Variants in ATP2B2 observed in about 807,000 individuals in gnomAD.
The protein encoded by ATP2B2 is plasma membrane calcium-transporting ATPase 2.
ATP2B2 carries 15 observed loss-of-function variants against 120.0 expected under a neutral mutation model. The observed-to-expected ratio is 0.12, with a 90% CI of 0.08 to 0.19. The LOEUF (loss-of-function observed/expected upper bound fraction) is 0.19. Among genes scored for constraint, ATP2B2 ranks in the 10% least tolerant of loss-of-function variants. The pLI is 1.00. For synonymous variants in ATP2B2, 694 were observed against 700.3 expected, an observed-to-expected ratio of 0.99 and a Z score of 0.14; for missense variants, 1,045 against 1,719.8, an observed-to-expected ratio of 0.61 and a Z score of 6.94.
At chr3:10,654,970 C>T (rs185890203) in intron 1 of ATP2B2, among the ~76,000 whole-genome samples, 4 of 152,170 alleles carry the variant, frequency 2.6e-5, no homozygotes, top group South Asian at 4.2e-4. Flanking sequence ...GGGCTGTCAG[C>T]GGGGGCCTCT....
chr3:10,333,730 G>C (rs1437863759), intron 22 of ATP2B2, among the ~76,000 whole-genome samples: 1 of 152,186 alleles, frequency 6.6e-6, no homozygotes, highest in Non-Finnish European at 1.5e-5. Context: ...TTCTCCAGGA[G>C]GCATGAAGAG....
chr3:10,531,620 C>A (rs1368969712), intron 3 of ATP2B2, among the ~76,000 whole-genome samples: 1 of 152,290 alleles, frequency 6.6e-6, no homozygotes, highest in South Asian at 2.1e-4. Flanking sequence ...TTCATTCAAC[C>A]AACATGGGTT....
At chr3:10,589,241 G>T (rs541771504) in intron 2 of ATP2B2, among the ~76,000 whole-genome samples, 1 of 152,312 alleles carries the variant, frequency 6.6e-6, no homozygotes, top group African/African-American at 2.4e-5. Flanking sequence ...GCCCAGAGAG[G>T]CTGTCAGAGT....
At chr3:10,459,303 G>A (rs1455179868) in intron 1 of ATP2B2, among the ~76,000 whole-genome samples, 1 of 152,254 alleles carries the variant, frequency 6.6e-6, no homozygotes, top group Non-Finnish European at 1.5e-5. Flanking sequence ...GGCTAAAACA[G>A]TAAAGTCACT....
chr3:10,359,171 A>C lies in ATP2B2; in HGVS notation c.1902-246T>G, dbSNP rs184610157. Among the ~76,000 whole-genome samples the C allele has an allele frequency of 2.6e-5, 4 of 152,302 alleles. No individual in the cohort carries two copies. In the East Asian group the frequency reaches 7.7e-4, roughly 29 times the overall value. Reference sequence around the variant, plus strand: ...AAGATTCATCTGAAATAACACTCCCACAGCTGAAATGGTTTACAAAGCACA... The same window carrying C: ...AAGATTCATCTGAAATAACACTCCCCCAGCTGAAATGGTTTACAAAGCACA... On this transcript the variant is annotated intron_variant, in intron 13 of 22. Coordinates refer to ENST00000360273, the MANE Select transcript of ATP2B2 (RefSeq NM_001001331.4).
intron 2 of ATP2B2, among the ~76,000 whole-genome samples, chr3:10,566,031 T>G (rs1017216782): frequency 3.3e-5 from 5 of 152,124 alleles, no homozygotes; most frequent in African/African-American, 1.2e-4. Flanking sequence ...CTATGTCTAT[T>G]CATCCATGAG....
At position 10,437,605 on chromosome 3, in the gene ATP2B2, G is replaced by A. The variant is rs529026350; in HGVS notation, c.199+11740C>T. ...GTGAGCGTGTCCCTCATTACAGTCC[G>A]CTTGCTGTCCTGTTCATGTCCCCAC... is the stretch of plus-strand genomic sequence containing the variant. On this transcript the variant is annotated intron_variant, in intron 2 of 22. Transcript: ENST00000360273. Among the ~76,000 whole-genome samples the A allele has an allele frequency of 8.5e-5, 13 of 152,310 alleles. No homozygotes were observed. In the South Asian group the frequency reaches 1.0e-3, roughly 12 times the overall value.
At chr3:10,446,876 A>C (rs9856328) in intron 2 of ATP2B2, among the ~76,000 whole-genome samples, 8,691 of 152,284 alleles carry the variant, frequency 0.057, 875 homozygotes, top group African/African-American at 0.2. Context: ...TATTGTTTCC[A>C]TTTTACAGAT....
chr3:10,505,412 G>A (rs1265275982), intron 1 of ATP2B2, 53 bp downstream of exon 1: 1 of 152,086 alleles, frequency 6.6e-6, no homozygotes, highest in Non-Finnish European at 1.5e-5. Context: ...GGAGAGTGGA[G>A]TGGGGCGCTT....
intron 5 of ATP2B2, among the ~76,000 whole-genome samples, chr3:10,397,553 C>G (rs1443196622): frequency 1.3e-5 from 2 of 152,004 alleles, no homozygotes; most frequent in South Asian, 4.2e-4. Context: ...GTCAGGGAAG[C>G]CTTCATGGAG....
chr3:10,560,860 C>T (rs371852480), intron 2 of ATP2B2, among the ~76,000 whole-genome samples: 51 of 152,208 alleles, frequency 3.4e-4, no homozygotes, highest in African/African-American at 1.2e-3. Context: ...ACAGCACCAT[C>T]TCTTGTTCTC....
rs1440276962 is a variant in ATP2B2, at chr3:10,375,789, T to C, written c.1202-145A>G. On this transcript the variant is annotated intron_variant, in intron 10 of 22. Transcript: ENST00000360273. This position sits in a 1 kb window ranked among gnomAD's most constrained non-coding sequence, Gnocchi z 4.2. ...CTGCCACTCCTTGCTTTATGACCTGTGGCAAGTTCTTGAGACCTTGATCCT... is the reference window on the plus strand; with the variant it reads ...CTGCCACTCCTTGCTTTATGACCTGCGGCAAGTTCTTGAGACCTTGATCCT... The C allele has an allele frequency of 1.4e-6, 1 of 730,794 alleles. No homozygotes were observed. Among genetic ancestry groups the C allele is most frequent in the Non-Finnish European group, 2.4e-6 (1 of 416,414 alleles). The allele number at this position is 730,794 out of a possible 1,614,324, so 45.3% of individuals were successfully genotyped here.
At chr3:10,441,909 A>C (rs917031576) in intron 2 of ATP2B2, among the ~76,000 whole-genome samples, 7 of 152,192 alleles carry the variant, frequency 4.6e-5, no homozygotes, top group East Asian at 3.8e-4. Context: ...AGGACTTAGA[A>C]GGTGAAGCTG....
At chr3:10,601,321 G>A (rs994957911) in intron 2 of ATP2B2, among the ~76,000 whole-genome samples, 1 of 152,136 alleles carries the variant, frequency 6.6e-6, no homozygotes, top group Admixed American at 6.5e-5. Context: ...CCCATAATAA[G>A]GGGGGCAGCC....
In ATP2B2 at chr3:10,632,853, G is replaced by A. The variant is rs377134570; in HGVS notation, c.-459-12892C>T. Among the ~76,000 whole-genome samples, 403 of 152,352 alleles carry A rather than the reference G, an allele frequency of 2.6e-3. 23 individuals carry two copies. The South Asian group carries it at 0.073, about 28-fold the overall frequency. ...CAGCCCCGGAATAGTGAGGCCCAGTGGAACTGCTGCTTATCCCTGTTCCCC... is the reference window on the plus strand; with the variant it reads ...CAGCCCCGGAATAGTGAGGCCCAGTAGAACTGCTGCTTATCCCTGTTCCCC... On this transcript the variant is annotated intron_variant, in intron 1 of 21. Coordinates refer to the ATP2B2 transcript ENST00000646379.
In ATP2B2 at chr3:10,413,034, C is replaced by A. The variant is rs1014630296; in HGVS notation, c.200-2219G>T. Among the ~76,000 whole-genome samples the A allele has an allele frequency of 8.5e-5, 13 of 152,274 alleles. 1 individual carries two copies. Among genetic ancestry groups the A allele is most frequent in the African/African-American group, 2.4e-4 (10 of 41,558 alleles). Reference sequence around the variant, plus strand: ...GGACTGGACCATGTGGCTGATGGGACCTCATGGTCTAATATATGGTTTTAG... The same window carrying A: ...GGACTGGACCATGTGGCTGATGGGAACTCATGGTCTAATATATGGTTTTAG... On this transcript the variant is annotated intron_variant, in intron 2 of 22. Coordinates refer to ENST00000360273, the MANE Select transcript of ATP2B2 (RefSeq NM_001001331.4).
intron 2 of ATP2B2, among the ~76,000 whole-genome samples, chr3:10,575,031 G>T (rs150291645): frequency 2.0e-5 from 3 of 152,338 alleles, no homozygotes; most frequent in East Asian, 1.9e-4. Flanking sequence ...GTCAACAAGG[G>T]CCTGAGTAAA....
intron 1 of ATP2B2, among the ~76,000 whole-genome samples, chr3:10,477,838 T>C (rs2065260501): frequency 6.6e-6 from 1 of 152,264 alleles, no homozygotes; most frequent in Admixed American, 6.5e-5. Context: ...TTCCAAAGAA[T>C]GCTGTTATGA....
chr3:10,355,865 A>T (rs1284016587), intron 14 of ATP2B2, among the ~76,000 whole-genome samples: 3 of 30,500 alleles, frequency 9.8e-5, no homozygotes, highest in African/African-American at 2.1e-4. Context: ...CGAGGTCAGG[A>T]GATCGAGACC....
Sources: allele counts gnomAD v4.1 joint callset (sites outside exome capture counted in the v4.1 genomes callset), GRCh38; gene constraint gnomAD v4.1.1; non-coding constraint Gnocchi (gnomAD v3.1); transcripts MANE v1.5; gene names NCBI Gene and HGNC (gene_info 2026-07-23, HGNC 2026-07-21).